TRMT11: variants seen among roughly 807,000 people sequenced by gnomAD.
TRMT11 encodes tRNA methyltransferase 11.
Under a neutral mutation model 62.8 loss-of-function variants are expected in TRMT11, and 53 were observed. That is an observed-to-expected ratio of 0.84 (90% CI 0.68 to 1.06). The LOEUF is 1.06. TRMT11 is among the 50% of genes least tolerant of loss of function. The pLI, the probability that TRMT11 is intolerant of heterozygous loss-of-function variation, is 0.00. For synonymous variants in TRMT11, 188 were observed against 190.3 expected, an observed-to-expected ratio of 0.99 and a Z score of 0.10; for missense variants, 556 against 553.4, an observed-to-expected ratio of 1.00 and a Z score of -0.05.
At chr6:126,011,045 A>G (rs999729489) in intron 8 of TRMT11, among the ~76,000 whole-genome samples, 4 of 152,206 alleles carry the variant, frequency 2.6e-5, no homozygotes, top group African/African-American at 9.6e-5. Flanking sequence ...AAGTTGACAG[A>G]ACAAGATAAG....
chr6:126,088,622 G>A (rs964948685), intron 17 of TRMT11, among the ~76,000 whole-genome samples: 1 of 152,174 alleles, frequency 6.6e-6, no homozygotes, highest in Admixed American at 6.5e-5. Flanking sequence ...TAATTTAAGT[G>A]TGCAAAGCTA....
chr6:126,225,686 T>C, the TRMT11 span, among the ~76,000 whole-genome samples: 5 of 55,476 alleles, frequency 9.0e-5, no homozygotes. Context: ...ATGTTTACTA[T>C]TTTTTTTTTT....
At position 126,184,032 on chromosome 6, in the gene TRMT11, A is replaced by G. The variant is rs1467774324; in HGVS notation, n.143+6697A>G. On this transcript the variant is annotated intron_variant and non_coding_transcript_variant, in intron 1 of 3. Transcript: ENST00000444229. ...TGAAAATGACTAATAATAATAGATT[A>G]TATTTATTAATGCCCTAATATATCT... 2.6e-5 allele frequency among the ~76,000 whole-genome samples: 4 copies of G among 152,164 alleles called. No individual in the cohort carries two copies. The East Asian group carries it at 7.7e-4, about 29-fold the overall frequency.
chr6:126,121,981 C>T (rs1260511121), intron 21 of TRMT11, among the ~76,000 whole-genome samples: 1 of 152,090 alleles, frequency 6.6e-6, no homozygotes, highest in Non-Finnish European at 1.5e-5. Flanking sequence ...CCATAATTCC[C>T]ATGTGTCATA....
At chr6:126,139,786 C>T (rs1202100135) in intron 21 of TRMT11, among the ~76,000 whole-genome samples, 2 of 151,964 alleles carry the variant, frequency 1.3e-5, no homozygotes, top group African/African-American at 4.8e-5. Context: ...ATTTGGCTAC[C>T]TTGCTAAACT....
At chr6:126,015,500 G>A (rs554833586) in intron 11 of TRMT11, among the ~76,000 whole-genome samples, 1 of 152,004 alleles carries the variant, frequency 6.6e-6, no homozygotes, top group African/African-American at 2.4e-5. Context: ...TTACAGGTGT[G>A]AGCCACTGCG....
intron 21 of TRMT11, among the ~76,000 whole-genome samples, chr6:126,136,935 G>T (rs1777857163): frequency 7.3e-6 from 1 of 137,828 alleles, no homozygotes; most frequent in Non-Finnish European, 1.7e-5. Flanking sequence ...ATATCCATAT[G>T]TAGAAAAATG....
At chr6:126,025,238 T>C (rs1181198044) in intron 12 of TRMT11, among the ~76,000 whole-genome samples, 1 of 152,218 alleles carries the variant, frequency 6.6e-6, no homozygotes, top group Non-Finnish European at 1.5e-5. Context: ...CTGGTATTTT[T>C]TCCCAGATTT....
At chr6:126,240,287 G>A in the TRMT11 span, among the ~76,000 whole-genome samples, 2 of 152,164 alleles carry the variant, frequency 1.3e-5, no homozygotes, top group Non-Finnish European at 2.9e-5. Flanking sequence ...GAGGTGCTTT[G>A]ATTTTTAGAG....
At chr6:126,006,107 AT>A (rs1369769253) in intron 7 of TRMT11, among the ~76,000 whole-genome samples, 1 of 151,934 alleles carries the variant, frequency 6.6e-6, no homozygotes, top group African/African-American at 2.4e-5. Flanking sequence ...TTTATATAAT[AT>A]TCTCTTTCGC....
At chr6:126,065,257 G>C (rs2326201) in intron 17 of TRMT11, among the ~76,000 whole-genome samples, 58,914 of 151,950 alleles carry the variant, frequency 0.39, 14,632 homozygotes, top group East Asian at 0.92. Context: ...GAAGATAATT[G>C]GTCAAATAAT....
intron 21 of TRMT11, among the ~76,000 whole-genome samples, chr6:126,129,890 TG>T (rs1434629561): frequency 6.6e-6 from 1 of 152,104 alleles, no homozygotes; most frequent in Non-Finnish European, 1.5e-5. Context: ...AACTAATCTT[TG>T]GCTTCTGGCT....
chr6:126,050,712 G>A (rs1286307083), intron 16 of TRMT11, among the ~76,000 whole-genome samples: 1 of 149,476 alleles, frequency 6.7e-6, no homozygotes, highest in African/African-American at 2.6e-5. Context: ...AAAAAAAAAA[G>A]TGATTTTGGC....
chr6:126,015,076 G>C (rs1346314864), intron 11 of TRMT11, among the ~76,000 whole-genome samples: 2 of 77,874 alleles, frequency 2.6e-5, no homozygotes, highest in South Asian at 9.5e-4. Context: ...AAGTTGTAGG[G>C]CTAAAATAAA....
chr6:126,247,406 C>T, the TRMT11 span, among the ~76,000 whole-genome samples: 1 of 151,566 alleles, frequency 6.6e-6, no homozygotes, highest in East Asian at 1.9e-4. Context: ...TATCACCGCA[C>T]CCAGCCAATA....
chr6:126,150,259 A>C (rs559967138), intron 21 of TRMT11, among the ~76,000 whole-genome samples: 3 of 152,304 alleles, frequency 2.0e-5, no homozygotes, highest in African/African-American at 7.2e-5. Context: ...GGGATCCTTT[A>C]GAGAGTCCTC....
downstream of TRMT11, among the ~76,000 whole-genome samples, chr6:126,203,659 AG>A (rs1399730643): frequency 4.6e-5 from 7 of 152,218 alleles, no homozygotes; most frequent in African/African-American, 1.2e-4. Flanking sequence ...GTTACGTACA[AG>A]CATGTTTATT....
At chr6:126,045,703 A>C (rs1776036796) in intron 16 of TRMT11, among the ~76,000 whole-genome samples, 1 of 152,110 alleles carries the variant, frequency 6.6e-6, no homozygotes, top group South Asian at 2.1e-4. Context: ...ACTAAGATAT[A>C]TCCTGAGTGG....
intron 21 of TRMT11, among the ~76,000 whole-genome samples, chr6:126,171,885 A>G (rs1778333710): frequency 6.6e-6 from 1 of 151,872 alleles, no homozygotes; most frequent in South Asian, 2.1e-4. Context: ...ATGCCCAGCT[A>G]ATTTTTGTAT....
Sources: allele counts gnomAD v4.1 joint callset (sites outside exome capture counted in the v4.1 genomes callset), GRCh38; gene constraint gnomAD v4.1.1; transcripts MANE v1.5; gene names NCBI Gene and HGNC (gene_info 2026-07-23, HGNC 2026-07-21).